The following NRF1 variants were observed in gnomAD, a reference collection of about 807,000 sequenced individuals.
NRF1 encodes nuclear respiratory factor 1.
A neutral mutation model predicts 58.5 loss-of-function variants in NRF1; 5 were observed. The observed-to-expected ratio is 0.09, with a 90% CI of 0.04 to 0.18. The LOEUF (loss-of-function observed/expected upper bound fraction) is 0.18. Among genes scored for constraint, NRF1 ranks in the 10% least tolerant of loss-of-function variants. NRF1 has a pLI of 1.00. For missense variants in NRF1, 288 were observed against 657.7 expected, an observed-to-expected ratio of 0.44 and a Z score of 6.15; for synonymous variants, 224 against 246.7, an observed-to-expected ratio of 0.91 and a Z score of 0.86.
At chr7:129,651,241 GTAAAACCCCGTCTCTGC>G (rs962986719) in intron 1 of NRF1, among the ~76,000 whole-genome samples, 22 of 152,036 alleles carry the variant, frequency 1.4e-4, no homozygotes, top group Admixed American at 9.8e-4. Context: ...GGCTGATATG[GTAAAACCCCGTCTCTGC>G]TAAAAATACA....
chr7:129,655,151 C>A (rs1006054131), intron 1 of NRF1, among the ~76,000 whole-genome samples: 3 of 151,814 alleles, frequency 2.0e-5, no homozygotes, highest in African/African-American at 4.8e-5. Flanking sequence ...TGTTTTTTTT[C>A]ATATAGATCT....
intron 6 of NRF1, 31 bp downstream of exon 6, chr7:129,709,264 T>A (rs1803017023): frequency 7.1e-7 from 1 of 1,404,134 alleles, no homozygotes; most frequent in Non-Finnish European, 9.4e-7. Context: ...GTTGCCTGGT[T>A]GCTTTTCCAT....
intron 9 of NRF1, among the ~76,000 whole-genome samples, chr7:129,720,993 TATAC>T (rs1350289343): frequency 3.3e-5 from 5 of 151,910 alleles, no homozygotes; most frequent in East Asian, 1.9e-4. Flanking sequence ...TGTGTGTGTA[TATAC>T]ATACATACAT....
At position 129,677,996 on chromosome 7, in the gene NRF1, G is replaced by T. The variant is rs11983488; in HGVS notation, c.465+238G>T. On this transcript the variant is annotated intron_variant, in intron 4 of 10. Coordinates refer to ENST00000393232, the MANE Select transcript of NRF1 (RefSeq NM_005011.5). ...AGATGCAATGGGTGGCCGGGGGAAG[G>T]GGGGAGGGGGCGGGGAAACAAGGTG... Among the ~76,000 whole-genome samples the T allele has an allele frequency of 0.083, 12,584 of 151,592 alleles. 1,661 individuals carry two copies. The highest frequency in any genetic ancestry group is 0.29 in the African/African-American group (11,827 of 40,996).
At chr7:129,736,126 T>C (rs1229160252) in intron 10 of NRF1, among the ~76,000 whole-genome samples, 2 of 152,194 alleles carry the variant, frequency 1.3e-5, no homozygotes, top group Admixed American at 6.5e-5. Context: ...TAAATTAATA[T>C]AGACATTTCT....
chr7:129,668,456 T>A (rs760940548), intron 2 of NRF1, among the ~76,000 whole-genome samples: 1 of 152,246 alleles, frequency 6.6e-6, no homozygotes, highest in Admixed American at 6.5e-5. Flanking sequence ...GCACTTCTAT[T>A]TAAATACTGG....
At chr7:129,695,805 TTATC>T (rs1458814988) in intron 5 of NRF1, among the ~76,000 whole-genome samples, 1 of 151,110 alleles carries the variant, frequency 6.6e-6, no homozygotes, top group Non-Finnish European at 1.5e-5. Context: ...TTAACACTAA[TTATC>T]TACACATGGT....
At chr7:129,713,222 G>A (rs887399487) in intron 8 of NRF1, among the ~76,000 whole-genome samples, 15 of 150,738 alleles carry the variant, frequency 1.0e-4, no homozygotes, top group African/African-American at 9.8e-5. Flanking sequence ...TCAGCCTCCC[G>A]AGTAGCACCA....
At position 129,744,216 on chromosome 7, in the gene NRF1, T is replaced by C. The variant is rs1002760365; in HGVS notation, c.1349-10802T>C. 1.9e-6 allele frequency: 3 copies of C among 1,547,618 alleles called. No individual in the cohort carries two copies. In the South Asian group the frequency reaches 3.6e-5, roughly 18 times the overall value. The stretch of plus-strand genomic sequence containing the variant: ...GTGCAGGTCGCAAGTGGATCCTGAC[T>C]GACAAAGCCACAGGTGGGTTCATCT... On this transcript the variant is annotated intron_variant, in intron 10 of 10. Coordinates refer to ENST00000393232, the MANE Select transcript of NRF1 (RefSeq NM_005011.5).
rs564273495 is a variant in NRF1, at chr7:129,646,011, G to A, written c.-6-11335G>A. On this transcript the variant is annotated intron_variant, in intron 1 of 10. Coordinates refer to ENST00000393232, the MANE Select transcript of NRF1 (RefSeq NM_005011.5). ...ACTACAGGCGTGTACCACCACACCC[G>A]GCTGATTTTTGTATTTTTAGTAGAG... is the stretch of plus-strand genomic sequence containing the variant. 3.9e-5 allele frequency among the ~76,000 whole-genome samples: 6 copies of A among 152,186 alleles called. No homozygotes were observed. In the East Asian group the frequency reaches 7.7e-4, roughly 20 times the overall value.
chr7:129,736,065 A>G (rs917691843), intron 10 of NRF1, among the ~76,000 whole-genome samples: 1 of 152,158 alleles, frequency 6.6e-6, no homozygotes, highest in Non-Finnish European at 1.5e-5. Flanking sequence ...ACCCTGCCTT[A>G]CTGTGCTGTA....
intron 10 of NRF1, among the ~76,000 whole-genome samples, chr7:129,735,943 G>A (rs973019552): frequency 2.6e-5 from 4 of 152,092 alleles, no homozygotes; most frequent in South Asian, 2.1e-4. Flanking sequence ...GGGAGGTGGA[G>A]CTTGCAGTAA....
intron 2 of NRF1, among the ~76,000 whole-genome samples, chr7:129,666,913 A>G (rs1801936207): frequency 6.6e-6 from 1 of 152,268 alleles, no homozygotes; most frequent in Admixed American, 6.5e-5. Flanking sequence ...TACATTTTAC[A>G]TTGTGACCCA....
intron 1 of NRF1, among the ~76,000 whole-genome samples, chr7:129,629,433 G>A (rs765457740): frequency 2.6e-5 from 4 of 152,060 alleles, no homozygotes; most frequent in Non-Finnish European, 4.4e-5. Flanking sequence ...GCCACCACAC[G>A]CCTGGCTGAA....
chr7:129,724,483 A>G (rs1307339597), intron 9 of NRF1, among the ~76,000 whole-genome samples: 1 of 152,258 alleles, frequency 6.6e-6, no homozygotes, highest in Non-Finnish European at 1.5e-5. Context: ...AATTCATCAA[A>G]AAGTTAAAAA....
intron 9 of NRF1, among the ~76,000 whole-genome samples, chr7:129,723,516 T>C (rs1803381360): frequency 6.6e-6 from 1 of 152,134 alleles, no homozygotes; most frequent in Non-Finnish European, 1.5e-5. Context: ...TAGCAAAATA[T>C]TAAAAATTAA....
intron 1 of NRF1, among the ~76,000 whole-genome samples, chr7:129,626,192 T>G (rs1465476406): frequency 1.3e-5 from 2 of 152,186 alleles, no homozygotes; most frequent in East Asian, 3.9e-4. Context: ...GGAAAATTCA[T>G]ATTAAATACT....
At chr7:129,723,129 T>A (rs936606659) in intron 9 of NRF1, among the ~76,000 whole-genome samples, 1 of 152,314 alleles carries the variant, frequency 6.6e-6, no homozygotes, top group South Asian at 2.1e-4. Context: ...TTTCTTTTTT[T>A]TTCTCCGACA....
At chr7:129,733,383 C>T (rs961978780) in intron 10 of NRF1, among the ~76,000 whole-genome samples, 3 of 151,426 alleles carry the variant, frequency 2.0e-5, no homozygotes, top group Admixed American at 6.6e-5. Flanking sequence ...AGGAGAACGG[C>T]GTGAACCTGG....
Sources: gnomAD v4.1 joint callset for allele counts (sites outside exome capture counted in the v4.1 genomes callset) on GRCh38, gnomAD v4.1.1 for gene constraint, MANE v1.5 for transcripts, NCBI Gene and HGNC (gene_info 2026-07-23, HGNC 2026-07-21) for gene names.